Variants in PKP4 observed in about 807,000 individuals in gnomAD.
The protein encoded by PKP4 is plakophilin-4.
In PKP4, 90 loss-of-function variants were observed where a neutral mutation model predicts 145.1. The observed-to-expected ratio is 0.62, with a 90% CI of 0.52 to 0.74. The LOEUF (loss-of-function observed/expected upper bound fraction) is 0.74. PKP4 is among the 30% of genes least tolerant of loss of function. PKP4 has a pLI of 0.00. For synonymous variants in PKP4, 563 were observed against 577.2 expected, an observed-to-expected ratio of 0.98 and a Z score of 0.35; for missense variants, 1,340 against 1,482.7, an observed-to-expected ratio of 0.90 and a Z score of 1.58.
chr2:158,659,049 G>A (rs982691815), intron 12 of PKP4: 1 of 152,286 alleles, frequency 6.6e-6, no homozygotes, highest in Admixed American at 6.5e-5. Flanking sequence ...GGGTCAGCAG[G>A]TACTTGTGGA....
At chr2:158,647,982 A>T (rs2054984674) in intron 11 of PKP4, among the ~76,000 whole-genome samples, 1 of 152,224 alleles carries the variant, frequency 6.6e-6, no homozygotes, top group African/African-American at 2.4e-5. Context: ...CAAGTTATTG[A>T]GCCTCCTGAA....
At chr2:158,678,555 T>C (rs1366284435) in intron 20 of PKP4, 26 bp from the exon 21 acceptor site, 1 of 1,543,520 alleles carries the variant, frequency 6.5e-7, no homozygotes, top group Admixed American at 1.7e-5. Flanking sequence ...GCACTAGTTT[T>C]AATTTCATAA....
chr2:158,498,320 A>T (rs1696045805), intron 1 of PKP4, among the ~76,000 whole-genome samples: 1 of 152,150 alleles, frequency 6.6e-6, no homozygotes, highest in South Asian at 2.1e-4. Flanking sequence ...TGTAAATATC[A>T]AATTACAATT....
chr2:158,514,339 C>T (rs959728327), intron 1 of PKP4, among the ~76,000 whole-genome samples: 2 of 152,200 alleles, frequency 1.3e-5, no homozygotes, highest in Non-Finnish European at 2.9e-5. Flanking sequence ...ATTGCGTTCT[C>T]CATCTGTGAT....
intron 1 of PKP4, among the ~76,000 whole-genome samples, chr2:158,459,521 G>A (rs1037402344): frequency 6.6e-6 from 1 of 152,112 alleles, no homozygotes; most frequent in African/African-American, 2.4e-5. Context: ...TTATGTTTTG[G>A]TTGCTACGTT....
At chr2:158,461,261 T>G (rs927243424) in intron 1 of PKP4, among the ~76,000 whole-genome samples, 4 of 152,234 alleles carry the variant, frequency 2.6e-5, no homozygotes, top group Non-Finnish European at 5.9e-5. Context: ...TACATGATGG[T>G]GATCTTCAAT....
chr2:158,645,145 T>G (rs2054702474), intron 11 of PKP4, among the ~76,000 whole-genome samples: 1 of 152,204 alleles, frequency 6.6e-6, no homozygotes, highest in Admixed American at 6.5e-5. Context: ...CAAATAATCA[T>G]AAATCTGGAA....
chr2:158,506,543 G>A (rs2040993826), intron 1 of PKP4, among the ~76,000 whole-genome samples: 1 of 152,190 alleles, frequency 6.6e-6, no homozygotes, highest in African/African-American at 2.4e-5. Flanking sequence ...AGGGCTTCCT[G>A]ACAGAAGTGC....
At chr2:158,589,688 A>C (rs2049092085) in intron 3 of PKP4, among the ~76,000 whole-genome samples, 1 of 152,084 alleles carries the variant, frequency 6.6e-6, no homozygotes, top group Non-Finnish European at 1.5e-5. Context: ...TTTTAGGGGG[A>C]AATTTTTTGT....
At position 158,631,855 on chromosome 2, in the gene PKP4, C is replaced by A. The variant is rs756415708; in HGVS notation, c.1256C>A (p.Thr419Asn). The A allele has an allele frequency of 6.2e-6, 10 of 1,613,962 alleles. No individual in the cohort carries two copies. Among genetic ancestry groups the A allele is most frequent in the Middle Eastern group, 1.6e-4 (1 of 6,080 alleles). ...ATTACTCCTATATATGAGGGGAGGA[C>A]CTATTACAGCCCAGTGTACCGCAGC... ...LHITPIYEGR[T>N]YYSPVYRSPN... Residue 419 changes from threonine (T) to asparagine (N), a missense_variant, in exon 8 of 22, where the codon ACC (threonine) becomes AAC (asparagine). Transcript: ENST00000389759.
At chr2:158,529,195 T>C (rs2043283823) in intron 1 of PKP4, among the ~76,000 whole-genome samples, 1 of 152,222 alleles carries the variant, frequency 6.6e-6, no homozygotes, top group Admixed American at 6.5e-5. Flanking sequence ...CAACCTTTAA[T>C]TTTGATTCCA....
chr2:158,499,772 T>C (rs1162603963), intron 1 of PKP4, among the ~76,000 whole-genome samples: 2 of 152,198 alleles, frequency 1.3e-5, no homozygotes, highest in African/African-American at 4.8e-5. Flanking sequence ...TGGTAATACT[T>C]GGACTAAATA....
chr2:158,573,137 A>G (rs1574552882), intron 2 of PKP4, among the ~76,000 whole-genome samples: 2 of 152,372 alleles, frequency 1.3e-5, no homozygotes, highest in South Asian at 4.1e-4. Flanking sequence ...ATATAAAGAC[A>G]TTATGTGATA....
chr2:158,560,335 G>T (rs2046411808), intron 2 of PKP4, among the ~76,000 whole-genome samples: 1 of 152,018 alleles, frequency 6.6e-6, no homozygotes, highest in East Asian at 1.9e-4. Context: ...TCACTCATTT[G>T]TCATGAGTGG....
At chr2:158,578,795 A>G (rs942325341) in intron 3 of PKP4, among the ~76,000 whole-genome samples, 3 of 152,222 alleles carry the variant, frequency 2.0e-5, no homozygotes, top group East Asian at 3.8e-4. Context: ...TACTTGGTAT[A>G]TCAATAATAA....
intron 2 of PKP4, among the ~76,000 whole-genome samples, chr2:158,560,347 G>A (rs76792178): frequency 0.029 from 4,485 of 152,136 alleles, 162 homozygotes; most frequent in East Asian, 0.13. Flanking sequence ...CATGAGTGGT[G>A]CTTCAGCCAC....
At chr2:158,638,756 T>C (rs1193873017) in intron 9 of PKP4, among the ~76,000 whole-genome samples, 3 of 152,168 alleles carry the variant, frequency 2.0e-5, no homozygotes, top group Non-Finnish European at 2.9e-5. Flanking sequence ...ATTTTGTAGA[T>C]AGTCAACAGA....
At position 158,673,747 on chromosome 2, in the gene PKP4, A is replaced by G. The variant is rs1486097580; in HGVS notation, c.2995A>G (p.Ser999Gly). The change falls in exon 18 of 22, where the codon AGC becomes GGC. Residue 999 changes from serine (S) to glycine (G), a missense_variant. Coordinates refer to ENST00000389759, the MANE Select transcript of PKP4 (RefSeq NM_003628.6). ...ATTATGGCAATATCGGGACCTCCGG[A>G]GCATTTATAAAAAGGTAACCTACAA... ...NTLWQYRDLR[S>G]IYKKDGWNQN... 1.2e-6 allele frequency: 2 copies of G among 1,611,718 alleles called. No homozygotes were observed. The highest frequency in any genetic ancestry group is 1.7e-6 in the Non-Finnish European group (2 of 1,177,802).
intron 20 of PKP4, 71 bp from the exon 21 acceptor site, chr2:158,678,510 G>A: frequency 9.3e-7 from 1 of 1,080,366 alleles, no homozygotes; most frequent in Non-Finnish European, 1.4e-6. Context: ...CCTAGTGCAG[G>A]GGAGACCACC....
Sources: allele counts gnomAD v4.1 joint callset (sites outside exome capture counted in the v4.1 genomes callset), GRCh38; gene constraint gnomAD v4.1.1; transcripts MANE v1.5; gene names NCBI Gene and HGNC (gene_info 2026-07-23, HGNC 2026-07-21).